Variants in TANC2 observed in about 807,000 individuals in gnomAD.
The protein encoded by TANC2 is protein TANC2.
Under a neutral mutation model 210.5 loss-of-function variants are expected in TANC2, and 26 were observed. The observed-to-expected ratio is 0.12, with a 90% CI of 0.09 to 0.17. TANC2 has a LOEUF of 0.17. TANC2 is among the 10% of genes least tolerant of loss of function. TANC2 has a pLI of 1.00. For synonymous variants in TANC2, 931 were observed against 967.1 expected (o/e 0.96, Z 0.69); for missense variants, 2,129 against 2,608.9 (o/e 0.82, Z 4.01).
In TANC2 at chr17:63,047,001, GTCTC is replaced by G. The variant is rs1315495276; in HGVS notation, c.68-26938_68-26935del. Among the ~76,000 whole-genome samples, 5 of 152,216 alleles carry G rather than the reference GTCTC, an allele frequency of 3.3e-5. No homozygotes were observed. The East Asian group carries it at 5.8e-4, about 18-fold the overall frequency. On this transcript the variant is annotated intron_variant, in intron 2 of 27. Transcript: ENST00000689528. ...TCTGATTTTTAGTCTATCAGTAGCTGTCTCTCTATATAGGGAGTAAGAGGTTTCT... is the reference window on the plus strand; with the variant it reads ...TCTGATTTTTAGTCTATCAGTAGCTGTCTATATAGGGAGTAAGAGGTTTCT...
chr17:63,282,474 A>T (rs879609186), intron 9 of TANC2, among the ~76,000 whole-genome samples: 3 of 152,132 alleles, frequency 2.0e-5, no homozygotes, highest in Admixed American at 2.0e-4. Context: ...TGAGAAATTG[A>T]ACCTGCTATC....
chr17:63,393,856 C>T (rs113815022), intron 17 of TANC2, among the ~76,000 whole-genome samples: 24,815 of 151,422 alleles, frequency 0.16, 2,646 homozygotes, highest in Non-Finnish European at 0.24. Context: ...CTGCAATCTC[C>T]GCCTCCCAGG....
chr17:63,308,045 G>T (rs1469997550), intron 9 of TANC2, among the ~76,000 whole-genome samples: 1 of 152,118 alleles, frequency 6.6e-6, no homozygotes, highest in African/African-American at 2.4e-5. Flanking sequence ...GATTACAGGG[G>T]TGAGCCACGG....
At chr17:63,413,066 T>C (rs530899433) in intron 24 of TANC2, 8 of 258,322 alleles carry the variant, frequency 3.1e-5, no homozygotes, top group Admixed American at 1.5e-4. Flanking sequence ...TTGGTACTTA[T>C]CATTTAAGGG....
At chr17:63,088,017 A>G (rs997809359) in intron 3 of TANC2, 2 of 152,200 alleles carry the variant, frequency 1.3e-5, no homozygotes, top group Admixed American at 6.5e-5. Flanking sequence ...ATTAAGCTCT[A>G]TGCATTCTTT....
intron 1 of TANC2, among the ~76,000 whole-genome samples, chr17:63,000,387 G>A (rs2033318709): frequency 1.3e-5 from 2 of 152,114 alleles, no homozygotes; most frequent in South Asian, 4.1e-4. Context: ...AACAGGATAA[G>A]AAAAGGGCTT....
At chr17:63,346,864 C>T (rs1028027584) in intron 12 of TANC2, among the ~76,000 whole-genome samples, 1 of 151,884 alleles carries the variant, frequency 6.6e-6, no homozygotes, top group Non-Finnish European at 1.5e-5. Context: ...CACCACCATA[C>T]CTGGCTAATT....
chr17:63,177,342 T>C (rs1269953797), intron 5 of TANC2, among the ~76,000 whole-genome samples: 4 of 151,286 alleles, frequency 2.6e-5, no homozygotes, highest in Non-Finnish European at 1.5e-5. Flanking sequence ...TTGCCAATTA[T>C]AGTTTTAGAA....
intron 9 of TANC2, among the ~76,000 whole-genome samples, chr17:63,312,584 G>A (rs943550087): frequency 1.3e-5 from 2 of 152,128 alleles, no homozygotes; most frequent in African/African-American, 4.8e-5. Flanking sequence ...GAAGGGGGAA[G>A]AAGATGGGGC....
intron 1 of TANC2, among the ~76,000 whole-genome samples, chr17:63,008,697 T>A (rs1276640748): frequency 6.6e-6 from 1 of 152,148 alleles, no homozygotes; most frequent in African/African-American, 2.4e-5. Flanking sequence ...GAGGATGTAA[T>A]CCAAAGCAGT....
intron 3 of TANC2, among the ~76,000 whole-genome samples, chr17:63,090,140 A>G (rs1015893581): frequency 6.6e-6 from 1 of 151,288 alleles, no homozygotes; most frequent in African/African-American, 2.4e-5. Context: ...ATACTATAGT[A>G]TTTCCCAGAA....
chr17:63,423,983 C>T (rs1007547813), exon 28 of TANC2: 2 of 152,326 alleles, frequency 1.3e-5, no homozygotes, highest in Middle Eastern at 3.4e-3. Context: ...AGCCAGGAGC[C>T]CAGTGGCCTC....
chr17:63,081,764 A>C (rs116700536), intron 3 of TANC2, among the ~76,000 whole-genome samples: 4,484 of 152,304 alleles, frequency 0.029, 82 homozygotes, highest in South Asian at 0.037. Flanking sequence ...TATTAAATAG[A>C]CTATTTAGCT....
intron 7 of TANC2, among the ~76,000 whole-genome samples, chr17:63,206,797 A>T (rs2041727213): frequency 6.6e-6 from 1 of 152,180 alleles, no homozygotes; most frequent in Non-Finnish European, 1.5e-5. Flanking sequence ...AGAGATGGAT[A>T]ATGTTGATGT....
intron 7 of TANC2, among the ~76,000 whole-genome samples, chr17:63,219,315 A>G (rs1257570247): frequency 6.6e-6 from 1 of 151,700 alleles, no homozygotes. Flanking sequence ...TATATAAATA[A>G]TAATATGTAA....
chr17:63,307,434 C>T (rs1344623525), intron 9 of TANC2, among the ~76,000 whole-genome samples: 6 of 152,248 alleles, frequency 3.9e-5, no homozygotes, highest in East Asian at 1.9e-4. Context: ...TTCCTTCCCC[C>T]GATGTAATCT....
intron 11 of TANC2, among the ~76,000 whole-genome samples, chr17:63,323,679 AT>A (rs1024139737): frequency 1.3e-5 from 2 of 152,150 alleles, no homozygotes; most frequent in Non-Finnish European, 2.9e-5. Context: ...TTGCTATATC[AT>A]TTCTTCATTT....
chr17:63,313,524 A>G (rs2045201588), intron 9 of TANC2: 1 of 152,198 alleles, frequency 6.6e-6, no homozygotes, highest in African/African-American at 2.4e-5. Context: ...CCCCATAATT[A>G]TATAAGCACA....
At chr17:63,262,750 C>T (rs2043403510) in intron 8 of TANC2, among the ~76,000 whole-genome samples, 1 of 151,992 alleles carries the variant, frequency 6.6e-6, no homozygotes, top group Admixed American at 6.6e-5. Flanking sequence ...CAGGGCCACC[C>T]CCTGCATCTT....
Sources: gnomAD v4.1 joint callset for allele counts (sites outside exome capture counted in the v4.1 genomes callset) on GRCh38, gnomAD v4.1.1 for gene constraint, MANE v1.5 for transcripts, NCBI Gene and HGNC (gene_info 2026-07-23, HGNC 2026-07-21) for gene names.